Variants in NUBPL observed in about 807,000 individuals in gnomAD.
The protein encoded by NUBPL is iron-sulfur cluster transfer protein NUBPL.
In NUBPL, 31 loss-of-function variants were observed where a neutral mutation model predicts 45.7. The observed-to-expected ratio is 0.68, with a 90% confidence interval of 0.51 to 0.92. The LOEUF (loss-of-function observed/expected upper bound fraction) is 0.92. Among genes scored for constraint, NUBPL ranks in the 40% least tolerant of loss-of-function variants. NUBPL has a pLI of 0.00. For missense variants in NUBPL, 401 were observed against 398.7 expected (o/e 1.01, Z -0.05); for synonymous variants, 144 against 140.9 (o/e 1.02, Z -0.15).
chr14:31,728,815 T>C (rs1431703574), intron 6 of NUBPL, among the ~76,000 whole-genome samples: 2 of 152,208 alleles, frequency 1.3e-5, no homozygotes, highest in East Asian at 3.8e-4. Flanking sequence ...TTTTAAAAAC[T>C]CTTGAAAGCC....
intron 10 of NUBPL, among the ~76,000 whole-genome samples, chr14:31,858,310 G>C (rs2040657602): frequency 6.6e-6 from 1 of 152,172 alleles, no homozygotes; most frequent in Non-Finnish European, 1.5e-5. Flanking sequence ...TTGAAGATGA[G>C]ATTTGGGTGG....
At chr14:31,832,655 T>A in intron 8 of NUBPL, among the ~76,000 whole-genome samples, 1 of 152,218 alleles carries the variant, frequency 6.6e-6, no homozygotes, top group East Asian at 1.9e-4. Context: ...GATATTCTTT[T>A]GTGGTTTCAA....
At chr14:31,812,510 C>T (rs761288528) in intron 7 of NUBPL, among the ~76,000 whole-genome samples, 5 of 152,202 alleles carry the variant, frequency 3.3e-5, no homozygotes, top group Non-Finnish European at 5.9e-5. Context: ...GTTTAGGTGG[C>T]AGTGTCCTGA....
chr14:31,660,027 T>G (rs974975691), intron 4 of NUBPL, among the ~76,000 whole-genome samples: 4 of 152,208 alleles, frequency 2.6e-5, no homozygotes, highest in African/African-American at 9.6e-5. Flanking sequence ...AATGGAATTT[T>G]AATATTAAGA....
chr14:31,671,388 A>G (rs1393032155), intron 4 of NUBPL, among the ~76,000 whole-genome samples: 1 of 152,220 alleles, frequency 6.6e-6, no homozygotes, highest in Non-Finnish European at 1.5e-5. Context: ...AGCAAATATT[A>G]GCAGACCAAA....
chr14:31,591,238 C>CAGAGG (rs2034134622), intron 3 of NUBPL, among the ~76,000 whole-genome samples: 1 of 152,204 alleles, frequency 6.6e-6, no homozygotes, highest in South Asian at 2.1e-4. Flanking sequence ...TCTCTGCTCA[C>CAGAGG]TGCAACCTCT....
At chr14:31,850,098 A>G (rs770866506) in intron 9 of NUBPL, 21 bp from the exon 10 acceptor site, 5 of 1,589,482 alleles carry the variant, frequency 3.1e-6, no homozygotes, top group Non-Finnish European at 4.3e-6. Flanking sequence ...GTTCTAATGG[A>G]TGTCTGCTGG....
chr14:31,777,290 T>C (rs367815564), intron 6 of NUBPL, among the ~76,000 whole-genome samples: 2 of 152,190 alleles, frequency 1.3e-5, no homozygotes, highest in Admixed American at 1.3e-4. Flanking sequence ...GCCAGAGTGG[T>C]TGACTACCTG....
At chr14:31,628,940 T>C (rs2035276005) in intron 4 of NUBPL, among the ~76,000 whole-genome samples, 1 of 152,228 alleles carries the variant, frequency 6.6e-6, no homozygotes, top group Non-Finnish European at 1.5e-5. Flanking sequence ...TAAGTACAGT[T>C]TGGTGCCACT....
At chr14:31,654,244 C>A in intron 4 of NUBPL, 1 of 266,674 alleles carries the variant, frequency 3.7e-6, no homozygotes, top group Non-Finnish European at 7.9e-6. Flanking sequence ...ATGTATGTAC[C>A]TTAATTAAAA....
chr14:31,650,493 G>A (rs1375144501), intron 4 of NUBPL, among the ~76,000 whole-genome samples: 1 of 152,024 alleles, frequency 6.6e-6, no homozygotes, highest in Non-Finnish European at 1.5e-5. Context: ...GTTTCACAGT[G>A]TTAGCCAGGA....
chr14:31,600,610 G>C (rs879517103), intron 4 of NUBPL, among the ~76,000 whole-genome samples: 43 of 152,318 alleles, frequency 2.8e-4, no homozygotes, highest in African/African-American at 8.9e-4. Context: ...AGGACCTGCT[G>C]TATAGTGATT....
At chr14:31,711,161 C>A (rs1456083795) in intron 6 of NUBPL, among the ~76,000 whole-genome samples, 1 of 152,154 alleles carries the variant, frequency 6.6e-6, no homozygotes, top group Non-Finnish European at 1.5e-5. Flanking sequence ...CAGGGTCAAC[C>A]AACTTGTTGT....
In NUBPL at chr14:31,826,566, T is replaced by A. The variant is rs17379143; in HGVS notation, c.608-63T>A. On this transcript the variant is annotated intron_variant, in intron 7 of 10. Transcript: ENST00000281081. ...CTATTTGCGTATGTAAGCAACATAA[T>A]GCTGGAAGTAATTTCTCCATAGAGA... The A allele has an allele frequency of 0.4, 561,969 of 1,417,534 alleles. 114,049 individuals are homozygous for A. The highest frequency in any genetic ancestry group is 0.46 in the South Asian group (39,775 of 86,494). 87.8% of individuals were successfully genotyped at this position (1,417,534 alleles called of 1,614,324 possible). A position where few individuals can be genotyped will look rare whatever the true frequency, so the allele number is the denominator to read the frequency against.
chr14:31,817,949 T>A (rs7156518), intron 7 of NUBPL, among the ~76,000 whole-genome samples: 23,854 of 150,248 alleles, frequency 0.16, 5,404 homozygotes, highest in African/African-American at 0.51. Context: ...AGGCTCAAAA[T>A]AAAGGGATGG....
intron 6 of NUBPL, among the ~76,000 whole-genome samples, chr14:31,714,414 T>C (rs1265584306): frequency 6.6e-6 from 1 of 152,168 alleles, no homozygotes; most frequent in African/African-American, 2.4e-5. Context: ...AACTGGCTGA[T>C]GGTTCTGCAG....
chr14:31,781,274 C>G (rs2039186895), intron 6 of NUBPL, among the ~76,000 whole-genome samples: 1 of 152,158 alleles, frequency 6.6e-6, no homozygotes. Context: ...CTCAGTCTTC[C>G]TAAGCAATCT....
intron 6 of NUBPL, chr14:31,703,320 G>C (rs2037378629): frequency 6.6e-6 from 1 of 152,514 alleles, no homozygotes; most frequent in African/African-American, 2.4e-5. Flanking sequence ...CTTACCCTTG[G>C]GAATTGAGCA....
chr14:31,801,200 C>A (rs896476912), intron 7 of NUBPL: 1 of 152,238 alleles, frequency 6.6e-6, no homozygotes, highest in Non-Finnish European at 1.5e-5. Context: ...ACTTCAAATT[C>A]TTTCTCCTCC....
Sources: allele counts gnomAD v4.1 joint callset (sites outside exome capture counted in the v4.1 genomes callset), GRCh38; gene constraint gnomAD v4.1.1; transcripts MANE v1.5; gene names NCBI Gene and HGNC (gene_info 2026-07-23, HGNC 2026-07-21).